SETDB1: variants seen among roughly 807,000 people sequenced by gnomAD.
SETDB1 encodes SET domain bifurcated histone lysine methyltransferase 1, also known as histone-lysine N-methyltransferase SETDB1.
SETDB1 carries 31 observed loss-of-function variants against 137.4 expected under a neutral mutation model. The observed-to-expected ratio is 0.23, with a 90% CI of 0.17 to 0.30. The LOEUF is 0.30. Ranked by LOEUF, SETDB1 falls within the 10% of genes least tolerant of loss-of-function variation. SETDB1 has a pLI of 1.00. For missense variants in SETDB1, 1,113 were observed against 1,631.5 expected (o/e 0.68, Z 5.47); for synonymous variants, 548 against 579.9 (o/e 0.95, Z 0.79).
At chr1:150,938,800 G>A (rs927785263) in intron 3 of SETDB1, among the ~76,000 whole-genome samples, 4 of 149,372 alleles carry the variant, frequency 2.7e-5, no homozygotes, top group Admixed American at 6.7e-5. Context: ...CACCACCATC[G>A]GCCTACACGT....
Position 150,962,136 on chromosome 1 carries a change from G to A in SETDB1, c.3139G>A (p.Asp1047Asn). 1 of 1,614,120 alleles carries A rather than the reference G, an allele frequency of 6.2e-7. No individual in the cohort carries two copies. ...DIKQAKKEDTDDRNKMSVVTE... is the reference protein window; with the variant it reads ...DIKQAKKEDTNDRNKMSVVTE... ...TTCACTTGTTCTTTTCCAGGACACT[G>A]ACGACCGAAACAAGATGTCAGTGTA... is the stretch of plus-strand genomic sequence containing the variant. The change falls in exon 17 of 22, where the codon GAC (aspartate) becomes AAC (asparagine). Residue 1047 changes from aspartate to asparagine, a missense_variant. Physicochemically the swap from Asp to Asn is conservative, Grantham distance 23. Transcript: ENST00000692827.
At chr1:150,940,021 T>C (rs777615336) in intron 4 of SETDB1, 47 bp downstream of exon 4, 2 of 1,512,752 alleles carry the variant, frequency 1.3e-6, no homozygotes, top group East Asian at 4.5e-5. Context: ...AATATGAAAA[T>C]AGGAGAATTT....
chr1:150,945,177 G>A (rs756959780), intron 9 of SETDB1, 69 bp downstream of exon 9: 129 of 1,598,048 alleles, frequency 8.1e-5, no homozygotes, highest in Non-Finnish European at 1.1e-4. Flanking sequence ...CAGTAATGAG[G>A]ATGGTTTTAT....
intron 14 of SETDB1, among the ~76,000 whole-genome samples, chr1:150,953,464 T>G (rs1013723613): frequency 6.6e-6 from 1 of 150,868 alleles, no homozygotes; most frequent in Non-Finnish European, 1.5e-5. Flanking sequence ...AGGTGGAGGT[T>G]GCAGTGAGCC....
intron 4 of SETDB1, 58 bp from the exon 5 acceptor site, chr1:150,941,271 T>C: frequency 1.1e-6 from 1 of 920,282 alleles, no homozygotes; most frequent in East Asian, 2.5e-5. Flanking sequence ...TATTCTGAAG[T>C]TATTTGTAAC....
rs375941782 is a variant in SETDB1 at position 150,927,986 on chromosome 1, A to G, written c.260+12A>G. On this transcript the variant is annotated intron_variant, in intron 2 of 21. Coordinates refer to ENST00000692827, the MANE Select transcript of SETDB1 (RefSeq NM_001366418.1). ...GATGATGCATCCAGGTGAGAACTCC[A>G]TGGAAAATAGAAGGAAATCTCTCCA... 2.0e-5 allele frequency: 33 copies of G among 1,611,608 alleles called. No homozygotes were observed. The African/African-American group carries it at 2.3e-4, about 11-fold the overall frequency.
At chr1:150,954,712 A>C (rs1000928609) in intron 14 of SETDB1, among the ~76,000 whole-genome samples, 1 of 152,258 alleles carries the variant, frequency 6.6e-6, no homozygotes, top group Non-Finnish European at 1.5e-5. Flanking sequence ...GAATCTGTTC[A>C]GAATTCTAAG....
At chr1:150,944,033 T>C in intron 8 of SETDB1, 40 bp downstream of exon 8, 1 of 1,330,258 alleles carries the variant, frequency 7.5e-7, no homozygotes, top group Non-Finnish European at 1.1e-6. Context: ...AGTTTTCTCC[T>C]CTACCTTGTA....
chr1:150,946,922 A>C lies in SETDB1; in HGVS notation c.1177A>C (p.Thr393Pro). 6.2e-7 allele frequency: 1 copy of C among 1,614,150 alleles called. No individual in the cohort carries two copies. Among genetic ancestry groups the C allele is most frequent in the Non-Finnish European group, 8.5e-7 (1 of 1,180,004 alleles). ...KRCEWIYRGS[T>P]RLEPMFSMKT... ...ATGTGAGTGGATCTATCGAGGCTCT[A>C]CACGGCTGGAGCCCATGTTCAGCAT... The change falls in exon 10 of 22, where the codon ACA (threonine) becomes CCA (proline). Residue 393 changes from threonine (T) to proline (P), a missense_variant. Transcript: ENST00000692827.
chr1:150,931,261 C>CAAAAAAAAAAAAAAAA lies in SETDB1; in HGVS notation c.412+1148_412+1163dup, dbSNP rs767694682. ...GGTGACAAAGCAAGACTCTTGTCTT[C>CAAAAAAAAAAAAAAAA]AAAAAAAAAAAAAAAAAAAAGGGTT... On this transcript the variant is annotated intron_variant, in intron 3 of 21. Coordinates refer to ENST00000692827, the MANE Select transcript of SETDB1 (RefSeq NM_001366418.1). Among the ~76,000 whole-genome samples the CAAAAAAAAAAAAAAAA allele has an allele frequency of 1.4e-3, 94 of 67,502 alleles. 5 individuals carry two copies. The highest frequency in any genetic ancestry group is 3.6e-3 in the African/African-American group (81 of 22,788). The allele number at this position is 67,502 out of a possible 152,430, so 44.3% of individuals were successfully genotyped here. A position where few individuals can be genotyped will look rare whatever the true frequency, so the allele number is the denominator to read the frequency against.
At chr1:150,941,087 C>T (rs1166173763) in intron 4 of SETDB1, among the ~76,000 whole-genome samples, 2 of 152,030 alleles carry the variant, frequency 1.3e-5, no homozygotes, top group African/African-American at 4.8e-5. Context: ...CGCTTGAACC[C>T]AGGAAGTGGA....
intron 9 of SETDB1, among the ~76,000 whole-genome samples, chr1:150,946,112 A>G (rs1381950180): frequency 1.3e-5 from 2 of 151,622 alleles, no homozygotes; most frequent in Admixed American, 6.6e-5. Flanking sequence ...CTCAACCTCC[A>G]GGGTTCAAGT....
intron 2 of SETDB1, 125 bp from the exon 3 acceptor site, chr1:150,929,842 C>T: frequency 6.7e-6 from 5 of 749,670 alleles, no homozygotes; most frequent in Non-Finnish European, 6.5e-6. Context: ...AACAGAGACA[C>T]TTTGGAATGT....
At chr1:150,931,261 CAAAAAAAAAAA>C (rs767694682) in intron 3 of SETDB1, among the ~76,000 whole-genome samples, 5 of 67,516 alleles carry the variant, frequency 7.4e-5, no homozygotes, top group South Asian at 9.0e-4. Context: ...CTCTTGTCTT[CAAAAAAAAAAA>C]AAAAAAAAAG....
In SETDB1 at chr1:150,956,638, T is replaced by C. The variant is rs587740850; in HGVS notation, c.2334-2540T>C. Among the ~76,000 whole-genome samples the C allele has an allele frequency of 4.6e-5, 7 of 152,350 alleles. No homozygotes were observed. In the South Asian group the frequency reaches 6.2e-4, roughly 14 times the overall value. ...TGCAGGTTACATGGTATGCTGAGTT[T>C]GTAAAATTCATTGATCTGTATAGAC... On this transcript the variant is annotated intron_variant, in intron 14 of 21. Transcript: ENST00000692827.
chr1:150,932,222 AT>A (rs146634183), intron 3 of SETDB1, among the ~76,000 whole-genome samples: 41 of 145,764 alleles, frequency 2.8e-4, no homozygotes, highest in East Asian at 4.0e-4. Context: ...CCCTTCTCTA[AT>A]TTTTTTTTTT....
At chr1:150,938,881 C>T (rs1047728420) in intron 3 of SETDB1, among the ~76,000 whole-genome samples, 3 of 150,852 alleles carry the variant, frequency 2.0e-5, no homozygotes, top group Non-Finnish European at 3.0e-5. Context: ...TAGTCCCAGC[C>T]GCTTTGGAGG....
rs138498647 is a variant in SETDB1, at chr1:150,928,841, G to A, written c.260+867G>A. Among the ~76,000 whole-genome samples, 103 of 151,992 alleles carry A rather than the reference G, an allele frequency of 6.8e-4. 3 individuals carry two copies. In the East Asian group the frequency reaches 0.01, roughly 15 times the overall value. ...TTCCCACCTATGAATGAGAACGTGC[G>A]GTGTTTGGTTTTCTGTCCTTGCTAT... is the stretch of plus-strand genomic sequence containing the variant. On this transcript the variant is annotated intron_variant, in intron 2 of 21. Coordinates refer to ENST00000692827, the MANE Select transcript of SETDB1 (RefSeq NM_001366418.1).
chr1:150,939,389 G>A (rs1322077392), intron 3 of SETDB1, among the ~76,000 whole-genome samples: 2 of 151,848 alleles, frequency 1.3e-5, no homozygotes, highest in Admixed American at 1.3e-4. Flanking sequence ...GTGCAGTGGT[G>A]CAGTCTCAGC....
Sources: gnomAD v4.1 joint callset for allele counts (sites outside exome capture counted in the v4.1 genomes callset) on GRCh38, gnomAD v4.1.1 for gene constraint, MANE v1.5 for transcripts, NCBI Gene and HGNC (gene_info 2026-07-23, HGNC 2026-07-21) for gene names.